Variants in TASP1 observed in about 807,000 individuals in gnomAD.
The protein encoded by TASP1 is threonine aspartase 1.
TASP1 carries 16 observed loss-of-function variants against 56.6 expected under a neutral mutation model. The observed-to-expected ratio is 0.28, with a 90% CI of 0.19 to 0.43. The LOEUF (loss-of-function observed/expected upper bound fraction) is 0.43. Among genes scored for constraint, TASP1 ranks in the 20% least tolerant of loss-of-function variants. TASP1 has a pLI of 1.00. For synonymous variants in TASP1, 179 were observed against 184.2 expected, an observed-to-expected ratio of 0.97 and a Z score of 0.23; for missense variants, 393 against 511.6, an observed-to-expected ratio of 0.77 and a Z score of 2.24.
At chr20:13,387,184 ATTTTTT>A (rs779048448), downstream of TASP1, among the ~76,000 whole-genome samples, 5 of 70,694 alleles carry the variant, frequency 7.1e-5, no homozygotes, top group African/African-American at 2.0e-4. Flanking sequence ...ACATGATTTC[ATTTTTT>A]TTTTTTTTTT....
At chr20:13,259,479 T>A in the TASP1 span, among the ~76,000 whole-genome samples, 2 of 152,090 alleles carry the variant, frequency 1.3e-5, no homozygotes, top group Non-Finnish European at 2.9e-5. Context: ...AATGTGAATC[T>A]CATACAAATA....
At chr20:13,534,924 A>G (rs2045357001) in intron 8 of TASP1, among the ~76,000 whole-genome samples, 1 of 152,176 alleles carries the variant, frequency 6.6e-6, no homozygotes, top group African/African-American at 2.4e-5. Context: ...GGCAAGAAAA[A>G]AATTCATGGA....
At chr20:13,466,326 A>T (rs778318521) in intron 11 of TASP1, among the ~76,000 whole-genome samples, 6 of 152,230 alleles carry the variant, frequency 3.9e-5, no homozygotes, top group Non-Finnish European at 7.3e-5. Context: ...TTGAGCAGCT[A>T]TATCACAAAA....
the TASP1 span, among the ~76,000 whole-genome samples, chr20:13,224,932 A>G: frequency 1.8e-4 from 24 of 136,668 alleles, no homozygotes; most frequent in East Asian, 4.0e-3. Flanking sequence ...TGCAACCTCC[A>G]CTTCCCGGGT....
At chr20:13,440,680 TA>T (rs34830955) in intron 11 of TASP1, among the ~76,000 whole-genome samples, 57,964 of 142,630 alleles carry the variant, frequency 0.41, 11,253 homozygotes, top group Non-Finnish European at 0.45. Context: ...ACTGATAAGC[TA>T]AAAAAAAAAA....
the TASP1 span, among the ~76,000 whole-genome samples, chr20:13,156,876 T>G: frequency 6.6e-6 from 1 of 152,192 alleles, no homozygotes; most frequent in Non-Finnish European, 1.5e-5. Flanking sequence ...TTACAATTTT[T>G]GGTTGCATTA....
chr20:13,531,953 C>A (rs1337172540), intron 9 of TASP1, among the ~76,000 whole-genome samples: 1 of 152,200 alleles, frequency 6.6e-6, no homozygotes, highest in Non-Finnish European at 1.5e-5. Context: ...GCGTGAGCCA[C>A]TGCACCTGGC....
At chr20:13,124,960 A>G in the TASP1 span, among the ~76,000 whole-genome samples, 2 of 152,212 alleles carry the variant, frequency 1.3e-5, no homozygotes, top group Admixed American at 1.3e-4. Context: ...ACACCTGCCT[A>G]AGTGGGATTC....
chr20:13,534,943 T>A (rs948321455), intron 8 of TASP1, among the ~76,000 whole-genome samples: 1 of 151,700 alleles, frequency 6.6e-6, no homozygotes, highest in African/African-American at 2.4e-5. Context: ...GAAAAAGAAG[T>A]CTCATATATT....
At chr20:13,426,853 C>T (rs1055860801) in intron 12 of TASP1, among the ~76,000 whole-genome samples, 1 of 152,128 alleles carries the variant, frequency 6.6e-6, no homozygotes, top group Non-Finnish European at 1.5e-5. Flanking sequence ...TGTAACAATT[C>T]CAAAACATTG....
the TASP1 span, among the ~76,000 whole-genome samples, chr20:13,376,593 T>A: frequency 3.3e-5 from 5 of 151,878 alleles, no homozygotes; most frequent in African/African-American, 4.8e-5. Context: ...TTTAAAATAG[T>A]TTTTTTTCTA....
intron 13 of TASP1, among the ~76,000 whole-genome samples, chr20:13,417,113 G>A (rs979284122): frequency 6.6e-6 from 1 of 152,156 alleles, no homozygotes; most frequent in Non-Finnish European, 1.5e-5. Context: ...ATCTATGTCA[G>A]CTCATCAGCT....
At chr20:13,371,432 G>A in the TASP1 span, among the ~76,000 whole-genome samples, 1 of 152,018 alleles carries the variant, frequency 6.6e-6, no homozygotes, top group Non-Finnish European at 1.5e-5. Context: ...ATTTAGTAGT[G>A]CGCTGTTAAA....
At chr20:13,593,451 A>G (rs1294799084) in intron 4 of TASP1, among the ~76,000 whole-genome samples, 1 of 152,174 alleles carries the variant, frequency 6.6e-6, no homozygotes, top group Non-Finnish European at 1.5e-5. Context: ...TCCCTTTGAC[A>G]GTCTGCCATG....
At chr20:13,244,084 A>G in the TASP1 span, 1 of 152,220 alleles carries the variant, frequency 6.6e-6, no homozygotes, top group African/African-American at 2.4e-5. Flanking sequence ...TAGGAAGGTC[A>G]CATTTATAGA....
chr20:13,251,927 G>A, the TASP1 span, among the ~76,000 whole-genome samples: 1 of 152,062 alleles, frequency 6.6e-6, no homozygotes, highest in African/African-American at 2.4e-5. Flanking sequence ...TATATCTGCA[G>A]ACTTGGGGAG....
intron 6 of TASP1, among the ~76,000 whole-genome samples, chr20:13,570,696 T>C (rs183638734): frequency 2.9e-4 from 44 of 152,048 alleles, no homozygotes; most frequent in African/African-American, 8.4e-4. Flanking sequence ...TCTTCAAAAT[T>C]CTACTTTAAA....
chr20:13,621,345 C>T (rs2048709613), intron 4 of TASP1, among the ~76,000 whole-genome samples: 1 of 152,052 alleles, frequency 6.6e-6, no homozygotes, highest in South Asian at 2.1e-4. Flanking sequence ...GCACAAGAAT[C>T]ACTTGAGCCT....
the TASP1 span, chr20:13,298,936 T>C: frequency 6.2e-7 from 1 of 1,612,290 alleles, no homozygotes; most frequent in Non-Finnish European, 8.5e-7. Context: ...CTTTGGCCTT[T>C]TCCAGACACA....
Sources: gnomAD v4.1 joint callset for allele counts (sites outside exome capture counted in the v4.1 genomes callset) on GRCh38, gnomAD v4.1.1 for gene constraint, MANE v1.5 for transcripts, NCBI Gene and HGNC (gene_info 2026-07-23, HGNC 2026-07-21) for gene names.